The following CTSB variants were observed in gnomAD, a reference collection of about 807,000 sequenced individuals.
CTSB encodes the protein cathepsin B.
CTSB carries 57 observed loss-of-function variants against 44.3 expected under a neutral mutation model. The observed-to-expected ratio is 1.29, with a 90% CI of 1.04 to 1.60. The LOEUF is 1.60. CTSB is among the 40% of genes most tolerant of loss of function. The probability of loss-of-function intolerance (pLI) is 0.00; values close to 1 mark genes in which losing one functional copy is unlikely to be tolerated. For synonymous variants in CTSB, 320 were observed against 168.0 expected, an observed-to-expected ratio of 1.91 and a Z score of -7.00; for missense variants, 768 against 443.0, an observed-to-expected ratio of 1.73 and a Z score of -6.59.
chr8:11,852,064 C>A (rs926386274), intron 3 of CTSB, among the ~76,000 whole-genome samples: 2 of 152,164 alleles, frequency 1.3e-5, no homozygotes, highest in Admixed American at 6.5e-5. Context: ...GCGGCTGAGA[C>A]ACCTTGGAGA....
chr8:11,862,710 G>T (rs376468619), intron 1 of CTSB, among the ~76,000 whole-genome samples: 1 of 152,228 alleles, frequency 6.6e-6, no homozygotes, highest in African/African-American at 2.4e-5. Flanking sequence ...TGGGACTTGC[G>T]CAAGCCAGGA....
intron 1 of CTSB, among the ~76,000 whole-genome samples, chr8:11,858,730 T>C (rs146378048): frequency 7.0e-4 from 106 of 152,282 alleles, no homozygotes; most frequent in Admixed American, 1.2e-3. Context: ...TCTCACTCCA[T>C]TGTGCAACAG....
chr8:11,847,111 T>C lies in CTSB; in HGVS notation c.734A>G (p.Lys245Arg), dbSNP rs780192019. Residue 245 changes from lysine to arginine, a missense_variant, in exon 8 of 10, where the codon AAA (lysine) becomes AGA (arginine). Coordinates refer to ENST00000353047, the MANE Select transcript of CTSB (RefSeq NM_001908.5). ...GAAAGCTCCCTCCACGGGGCCGTTT[T>C]TGTAGATCTCGGCCATGATGTCCTT... ...SEKDIMAEIYKNGPVEGAFSV... is the reference protein window; with the variant it reads ...SEKDIMAEIYRNGPVEGAFSV... 3 of 1,582,330 alleles carry C rather than the reference T, an allele frequency of 1.9e-6. No individual in the cohort carries two copies. Among genetic ancestry groups the C allele is most frequent in the South Asian group, 2.2e-5 (2 of 88,894 alleles).
rs555748372 is a variant in CTSB, at chr8:11,847,239, G to A, written c.677-71C>T. The A allele has an allele frequency of 1.6e-3, 1,536 of 973,178 alleles. 7 individuals carry two copies. Among genetic ancestry groups the A allele is most frequent in the Middle Eastern group, 2.6e-3 (12 of 4,586 alleles). 60.3% of individuals were successfully genotyped at this position (973,178 alleles called of 1,614,324 possible). On this transcript the variant is annotated intron_variant, in intron 7 of 9. Transcript: ENST00000353047. The stretch of plus-strand genomic sequence containing the variant: ...CCTCGTGGCACGCCACGGTCAGCCA[G>A]TCACTGATTTCTGGTGGCCTCCAGG...
chr8:11,845,938 C>T, intron 8 of CTSB, 149 bp from the exon 9 acceptor site: 1 of 835,952 alleles, frequency 1.2e-6, no homozygotes, highest in Admixed American at 3.7e-5. Flanking sequence ...AGGGGGGGTC[C>T]CACAATACTG....
intron 5 of CTSB, chr8:11,848,581 G>A: frequency 3.0e-6 from 1 of 335,238 alleles, no homozygotes; most frequent in African/African-American, 2.1e-5. Context: ...TAAGCCCTCA[G>A]GCATTTCGGA....
intron 1 of CTSB, among the ~76,000 whole-genome samples, chr8:11,866,839 G>C (rs188962635): frequency 6.6e-6 from 1 of 152,220 alleles, no homozygotes; most frequent in African/African-American, 2.4e-5. Flanking sequence ...CAGCCTGAGA[G>C]ACAGAGCCAG....
chr8:11,856,375 T>C (rs1815512130), intron 1 of CTSB, among the ~76,000 whole-genome samples: 1 of 152,106 alleles, frequency 6.6e-6, no homozygotes, highest in African/African-American at 2.4e-5. Context: ...CGCATGCCTG[T>C]AGCCGAGGCG....
intron 8 of CTSB, 100 bp downstream of exon 8, chr8:11,846,947 CACCTG>C (rs1184528897): frequency 2.2e-5 from 16 of 743,948 alleles, no homozygotes; most frequent in Non-Finnish European, 3.6e-5. Context: ...CCCAGCCCCT[CACCTG>C]CCTGCCCAAT....
intron 4 of CTSB, 60 bp downstream of exon 4, chr8:11,850,806 C>T (rs979136246): frequency 8.0e-7 from 1 of 1,243,760 alleles, no homozygotes; most frequent in African/African-American, 1.5e-5. Flanking sequence ...TCCCCCAAGA[C>T]TCTCCAGTGT....
chr8:11,853,512 C>A, intron 1 of CTSB, 33 bp from the exon 2 acceptor site: 2 of 1,581,160 alleles, frequency 1.3e-6, no homozygotes, highest in South Asian at 1.1e-5. Context: ...GGACACCTCT[C>A]TGTTATGTGG....
In CTSB at chr8:11,844,142, T is replaced by G. The variant is rs138471009; in HGVS notation, c.*983A>C. ...TTGACGAGGATGACAGGGAACTAAT[T>G]GGGGGAGGGATGCCATGGTTGAAAA... On this transcript the variant is annotated 3_prime_UTR_variant, in exon 10 of 10. Coordinates refer to ENST00000353047, the MANE Select transcript of CTSB (RefSeq NM_001908.5). The G allele has an allele frequency of 1.3e-5, 2 of 152,156 alleles. No homozygotes were observed. The highest frequency in any genetic ancestry group is 2.4e-5 in the African/African-American group (1 of 41,500). The allele number at this position is 152,156 out of a possible 1,614,324, so 9.4% of individuals were successfully genotyped here.
chr8:11,851,810 G>C (rs1002210643), intron 3 of CTSB, among the ~76,000 whole-genome samples: 2 of 152,066 alleles, frequency 1.3e-5, no homozygotes, highest in African/African-American at 4.8e-5. Flanking sequence ...GGGATTACAG[G>C]CGCCCGCCAC....
rs757462252 is a variant in CTSB at position 11,845,208 on chromosome 8, G to C, written c.937C>G (p.Leu313Val). The change falls in exon 10 of 10, where the codon CTC becomes GTC. Residue 313 changes from leucine (L) to valine (V), a missense_variant. Leu to Val is a conservative substitution (Grantham distance 32). Coordinates refer to ENST00000353047, the MANE Select transcript of CTSB (RefSeq NM_001908.5). ...DWGDNGFFKI[L>V]RGQDHCGIES... is the part of the protein sequence containing the mutation. Reference sequence around the variant, plus strand: ...ATTCCACAGTGATCCTGTCCTCTGAGTATTTTAAAGAAGCCTGGGAATAAA... The same window carrying C: ...ATTCCACAGTGATCCTGTCCTCTGACTATTTTAAAGAAGCCTGGGAATAAA... 4 of 1,612,938 alleles carry C rather than the reference G, an allele frequency of 2.5e-6. No homozygotes were observed. In the Admixed American group the frequency reaches 5.0e-5, roughly 20 times the overall value.
At chr8:11,850,463 A>G (rs1258634495) in intron 4 of CTSB, among the ~76,000 whole-genome samples, 2 of 151,552 alleles carry the variant, frequency 1.3e-5, no homozygotes, top group African/African-American at 4.8e-5. Context: ...AAAACAAAAG[A>G]AGATTGCTAA....
chr8:11,862,586 G>A (rs1390661212), intron 1 of CTSB: 1 of 152,254 alleles, frequency 6.6e-6, no homozygotes, highest in Non-Finnish European at 1.5e-5. Context: ...CCAAACACCA[G>A]GAAGGCTGAG....
Position 11,848,243 on chromosome 8 carries a change from G to C in CTSB, c.447-91C>G, listed in dbSNP as rs755858214. On this transcript the variant is annotated intron_variant, in intron 5 of 9. Transcript: ENST00000353047. ...GCTACCCAAGTGCCCGAGGCCACTC[G>C]TGGACCCACCCCCAGCTGCAGCAAG... is the stretch of plus-strand genomic sequence containing the variant. 1.6e-5 allele frequency: 18 copies of C among 1,120,660 alleles called. No homozygotes were observed. In the African/African-American group the frequency reaches 2.7e-4, roughly 17 times the overall value. The allele number at this position is 1,120,660 out of a possible 1,614,324, so 69.4% of individuals were successfully genotyped here. A position where few individuals can be genotyped will look rare whatever the true frequency, so the allele number is the denominator to read the frequency against.
intron 1 of CTSB, among the ~76,000 whole-genome samples, chr8:11,858,350 A>G (rs1278686621): frequency 6.6e-6 from 1 of 152,232 alleles, no homozygotes; most frequent in African/African-American, 2.4e-5. Flanking sequence ...GCTGGAGTGC[A>G]GTGGCACGAT....
chr8:11,852,708 C>T lies in CTSB; in HGVS notation c.127-13G>A. ...AGTTGTGCCCGGCCTGGAAGAGAGT[C>T]ACCCACTGACTGAAGGGTCTCCCGG... On this transcript the variant is annotated splice_polypyrimidine_tract_variant and intron_variant, in intron 2 of 9. Coordinates refer to ENST00000353047, the MANE Select transcript of CTSB (RefSeq NM_001908.5). The T allele has an allele frequency of 1.2e-6, 2 of 1,612,568 alleles. No individual in the cohort carries two copies. Among genetic ancestry groups the T allele is most frequent in the South Asian group, 2.2e-5 (2 of 91,040 alleles).
Sources: gnomAD v4.1 joint callset for allele counts (sites outside exome capture counted in the v4.1 genomes callset) on GRCh38, gnomAD v4.1.1 for gene constraint, MANE v1.5 for transcripts, NCBI Gene and HGNC (gene_info 2026-07-23, HGNC 2026-07-21) for gene names.